Variants in CPT2 observed in about 807,000 individuals in gnomAD.
The protein encoded by CPT2 is carnitine palmitoyltransferase 2.
CPT2 carries 37 observed loss-of-function variants against 48.6 expected under a neutral mutation model. The observed-to-expected ratio is 0.76, with a 90% CI of 0.59 to 1.00. The LOEUF is 1.00. Ranked by LOEUF, CPT2 falls within the 50% of genes least tolerant of loss-of-function variation. The probability of loss-of-function intolerance (pLI) is 0.00; values close to 1 mark genes in which losing one functional copy is unlikely to be tolerated. For synonymous variants in CPT2, 319 were observed against 326.9 expected (o/e 0.98, Z 0.26); for missense variants, 772 against 825.6 (o/e 0.94, Z 0.80).
At chr1:53,200,930 A>C (rs979018897) in intron 2 of CPT2, 131 bp downstream of exon 2, 1 of 751,450 alleles carries the variant, frequency 1.3e-6, no homozygotes, top group Middle Eastern at 3.3e-4. Context: ...CTAGTTGTAC[A>C]TCTGCAAGTT....
Position 53,210,671 on chromosome 1 carries a change from A to G in CPT2, c.997A>G (p.Lys333Glu). 2 of 1,614,090 alleles carry G rather than the reference A, an allele frequency of 1.2e-6. No homozygotes were observed. The highest frequency in any genetic ancestry group is 8.5e-7 in the Non-Finnish European group (1 of 1,180,016). ...FCLCLDDFPI[K>E]DLVHLSHNML... ...TCTCTGCCTAGATGACTTCCCCATT[A>G]AGGACCTTGTCCACTTGTCCCACAA... is the stretch of plus-strand genomic sequence containing the variant. Residue 333 changes from lysine (K) to glutamate (E), a missense_variant, in exon 4 of 5, where the codon AAG becomes GAG. Coordinates refer to ENST00000371486, the MANE Select transcript of CPT2 (RefSeq NM_000098.3).
Position 53,213,616 on chromosome 1 carries a change from TA to T in CPT2, c.*22del. 1 of 1,600,624 alleles carries T rather than the reference TA, an allele frequency of 6.2e-7. No individual in the cohort carries two copies. The highest frequency in any genetic ancestry group is 8.5e-7 in the Non-Finnish European group (1 of 1,171,140). On this transcript the variant is annotated 3_prime_UTR_variant, in exon 5 of 5. Transcript: ENST00000371486. The stretch of plus-strand genomic sequence containing the variant: ...GTTAACTTCTGGGCAGATGAAAAGC[TA>T]CCATCACTTCCTCATCATGAAAACT...
chr1:53,204,833 C>A (rs570271539), intron 3 of CPT2, among the ~76,000 whole-genome samples: 1 of 152,322 alleles, frequency 6.6e-6, no homozygotes, highest in Non-Finnish European at 1.5e-5. Context: ...CGCTTTCTCT[C>A]CTGCTGCCAC....
In CPT2 at chr1:53,202,386, G is replaced by C. The variant is rs1645359381; in HGVS notation, c.297G>C (p.Leu99=). ...TTGGAAAAGAACTGCATGAGCAGCT[G>C]GTTGCTCTGGACAAACAGAATAAAC... ...NGIGKELHEQ[L]VALDKQNKHT... The change falls in exon 3 of 5, where the codon CTG becomes CTC. Residue 99 remains leucine (L), a synonymous_variant. Coordinates refer to ENST00000371486, the MANE Select transcript of CPT2 (RefSeq NM_000098.3). 1 of 1,614,010 alleles carries C rather than the reference G, an allele frequency of 6.2e-7. No individual in the cohort carries two copies. Among genetic ancestry groups the C allele is most frequent in the East Asian group, 2.2e-5 (1 of 44,890 alleles).
At position 53,210,937 on chromosome 1, in the gene CPT2, T is replaced by C. The variant is rs749714778; in HGVS notation, c.1263T>C (p.Asp421=). The C allele has an allele frequency of 8.1e-6, 13 of 1,614,204 alleles. No homozygotes were observed. The highest frequency in any genetic ancestry group is 1.7e-4 in the Middle Eastern group (1 of 6,060). ...TVQKLNFELT[D]ALKTGITAAK... ...AGAAACTCAACTTCGAGCTGACTGA[T>C]GCCTTAAAGACTGGCATCACAGCTG... The change falls in exon 4 of 5, where the codon GAT becomes GAC. Residue 421 remains aspartate, a synonymous_variant. Coordinates refer to ENST00000371486, the MANE Select transcript of CPT2 (RefSeq NM_000098.3).
chr1:53,205,907 G>C (rs539606553), intron 3 of CPT2, among the ~76,000 whole-genome samples: 1 of 152,222 alleles, frequency 6.6e-6, no homozygotes, highest in African/African-American at 2.4e-5. Flanking sequence ...GTCCGGCCGG[G>C]TGCGGTGGCT....
rs1273047875 is a variant in CPT2, at chr1:53,213,888, T to C, written c.*293T>C. On this transcript the variant is annotated 3_prime_UTR_variant, in exon 5 of 5. Coordinates refer to ENST00000371486, the MANE Select transcript of CPT2 (RefSeq NM_000098.3). ...TTGCAGTGAGCTGAGATCACACCACTGCACTCCGGCCTGGGCGACAGAGCG... is the reference window on the plus strand; with the variant it reads ...TTGCAGTGAGCTGAGATCACACCACCGCACTCCGGCCTGGGCGACAGAGCG... The C allele has an allele frequency of 5.0e-6, 2 of 398,624 alleles. No individual in the cohort carries two copies. Among genetic ancestry groups the C allele is most frequent in the African/African-American group, 4.1e-5 (2 of 48,502 alleles). The allele number at this position is 398,624 out of a possible 1,614,324, so 24.7% of individuals were successfully genotyped here.
chr1:53,206,915 G>A (rs1645393273), intron 3 of CPT2, among the ~76,000 whole-genome samples: 1 of 152,202 alleles, frequency 6.6e-6, no homozygotes, highest in South Asian at 2.1e-4. Context: ...AGAGGCCAGG[G>A]CAGAATGATG....
At chr1:53,197,758 C>T (rs1050349947) in intron 1 of CPT2, among the ~76,000 whole-genome samples, 4 of 152,066 alleles carry the variant, frequency 2.6e-5, no homozygotes, top group Admixed American at 6.6e-5. Context: ...TCTCTCCAAG[C>T]CCTCCTCAAC....
chr1:53,207,706 C>T (rs1645397126), intron 3 of CPT2: 1 of 152,130 alleles, frequency 6.6e-6, no homozygotes, highest in African/African-American at 2.4e-5. Flanking sequence ...CATGATACAC[C>T]CACCTCGCCC....
At chr1:53,203,522 A>C (rs1645366895) in intron 3 of CPT2, 1 of 152,176 alleles carries the variant, frequency 6.6e-6, no homozygotes, top group Non-Finnish European at 1.5e-5. Context: ...ATTTACCCCC[A>C]GACTCTTCCC....
chr1:53,199,276 G>A (rs1451094486), intron 1 of CPT2, among the ~76,000 whole-genome samples: 1 of 152,154 alleles, frequency 6.6e-6, no homozygotes. Flanking sequence ...GGCCAGGCTG[G>A]TCTCAATCTC....
At position 53,206,222 on chromosome 1, in the gene CPT2, A is replaced by G. The variant is rs1211565440; in HGVS notation, c.340+3793A>G. Among the ~76,000 whole-genome samples, 5 of 151,420 alleles carry G rather than the reference A, an allele frequency of 3.3e-5. No individual in the cohort carries two copies. The East Asian group carries it at 9.7e-4, about 30-fold the overall frequency. On this transcript the variant is annotated intron_variant, in intron 3 of 4. Transcript: ENST00000371486. ...AAAAAAAGAGACAACCTCCTCCTACATTTCAGAGGCTATATGGAAACACCT... is the reference window on the plus strand; with the variant it reads ...AAAAAAAGAGACAACCTCCTCCTACGTTTCAGAGGCTATATGGAAACACCT...
chr1:53,205,999 G>T (rs1205451022), intron 3 of CPT2, among the ~76,000 whole-genome samples: 6 of 152,104 alleles, frequency 3.9e-5, no homozygotes, highest in African/African-American at 1.4e-4. Context: ...TGGCTAACAT[G>T]GTGAAACCCT....
chr1:53,206,834 G>A (rs955591666), intron 3 of CPT2, among the ~76,000 whole-genome samples: 3 of 152,234 alleles, frequency 2.0e-5, no homozygotes, highest in African/African-American at 2.4e-5. Flanking sequence ...GCTGGAATGA[G>A]TTAAGACTCT....
rs1236806459 is a variant in CPT2 at position 53,213,145 on chromosome 1, A to C, written c.1646-119A>C. 4.3e-6 allele frequency: 4 copies of C among 919,714 alleles called. No homozygotes were observed. The Admixed American group carries it at 5.8e-5, about 13-fold the overall frequency. 57.0% of individuals were successfully genotyped at this position (919,714 alleles called of 1,614,324 possible). On this transcript the variant is annotated intron_variant, in intron 4 of 4. Transcript: ENST00000371486. ...CAGTTGGTGGTGTGCATAGAGGTAG[A>C]GCCTTCCCCCACTCTCAAGGATGCT...
In CPT2 at chr1:53,213,193, G is replaced by C. The variant is rs149027156; in HGVS notation, c.1646-71G>C. 43 of 1,480,100 alleles carry C rather than the reference G, an allele frequency of 2.9e-5. No individual in the cohort carries two copies. The East Asian group carries it at 9.0e-4, about 31-fold the overall frequency. 91.7% of individuals were successfully genotyped at this position (1,480,100 alleles called of 1,614,324 possible). A position where few individuals can be genotyped will look rare whatever the true frequency, so the allele number is the denominator to read the frequency against. On this transcript the variant is annotated intron_variant, in intron 4 of 4. Transcript: ENST00000371486. ...GCTGTGAGGGGTATTCCTACCATGT[G>C]GTGAGTTGGGAGGTTTTCCTGAGGT... is the stretch of plus-strand genomic sequence containing the variant.
rs1333039206 is a variant in CPT2 at position 53,210,196 on chromosome 1, AGTGTT to A, written c.523_527del (p.Val175ProfsTer8). The A allele has an allele frequency of 6.2e-7, 1 of 1,614,154 alleles. No individual in the cohort carries two copies. Among genetic ancestry groups the A allele is most frequent in the South Asian group, 1.1e-5 (1 of 91,086 alleles). On this transcript the variant is annotated frameshift_variant, in exon 4 of 5. Coordinates refer to ENST00000371486, the MANE Select transcript of CPT2 (RefSeq NM_000098.3). LOFTEE classifies it high-confidence loss of function. Reference sequence around the variant, plus strand: ...TCCGGGCTGGCCTTCTGGAGCCAGAAGTGTTCCACTTGAACCCTGCAAAAAGTGAC... The same window carrying A: ...TCCGGGCTGGCCTTCTGGAGCCAGAACCACTTGAACCCTGCAAAAAGTGAC...
rs1183454749 is a variant in CPT2 at position 53,211,087 on chromosome 1, C to G, written c.1413C>G (p.Phe471Leu). Residue 471 changes from phenylalanine to leucine, a missense_variant, in exon 4 of 5, where the codon TTC becomes TTG. Transcript: ENST00000371486. The stretch of plus-strand genomic sequence containing the variant: ...CTGACGCAGTTGCCCAGCTGGCATT[C>G]CAGATGGCCTTCCTGCGGCAGTACG... ...LSPDAVAQLA[F>L]QMAFLRQYGQ... 1 of 1,614,182 alleles carries G rather than the reference C, an allele frequency of 6.2e-7. No individual in the cohort carries two copies. The highest frequency in any genetic ancestry group is 8.5e-7 in the Non-Finnish European group (1 of 1,180,022).
Sources: gnomAD v4.1 joint callset for allele counts (sites outside exome capture counted in the v4.1 genomes callset) on GRCh38, gnomAD v4.1.1 for gene constraint, MANE v1.5 for transcripts, NCBI Gene and HGNC (gene_info 2026-07-23, HGNC 2026-07-21) for gene names.